PLEKHA5: variants seen among roughly 807,000 people sequenced by gnomAD.
PLEKHA5 encodes pleckstrin homology domain-containing family A member 5.
A neutral mutation model predicts 181.9 loss-of-function variants in PLEKHA5; 55 were observed. The observed-to-expected ratio is 0.30, with a 90% confidence interval of 0.24 to 0.38. PLEKHA5 has a LOEUF of 0.38. Among genes scored for constraint, PLEKHA5 ranks in the 10% least tolerant of loss-of-function variants. The pLI is 1.00. For synonymous variants in PLEKHA5, 535 were observed against 529.4 expected (o/e 1.01, Z -0.15); for missense variants, 1,432 against 1,549.5 (o/e 0.92, Z 1.27).
intron 7 of PLEKHA5, among the ~76,000 whole-genome samples, 186 bp downstream of exon 7, chr12:19,261,207 G>A (rs1319484263): frequency 6.6e-6 from 1 of 152,038 alleles, no homozygotes; most frequent in Non-Finnish European, 1.5e-5. Context: ...AATAAATATG[G>A]TGCTTCAGAC....
intron 3 of PLEKHA5, among the ~76,000 whole-genome samples, chr12:19,140,187 A>C (rs891151711): frequency 6.6e-6 from 1 of 152,234 alleles, no homozygotes; most frequent in African/African-American, 2.4e-5. Context: ...AGAGAATGTC[A>C]AAGTAAACAA....
intron 25 of PLEKHA5, among the ~76,000 whole-genome samples, chr12:19,349,332 T>C (rs1335464450): frequency 6.6e-6 from 1 of 152,122 alleles, no homozygotes; most frequent in East Asian, 1.9e-4. Flanking sequence ...CCTAAGCTGG[T>C]CTTGAACTCT....
At chr12:19,336,174 A>G (rs981599638) in intron 20 of PLEKHA5, among the ~76,000 whole-genome samples, 5 of 152,202 alleles carry the variant, frequency 3.3e-5, no homozygotes, top group African/African-American at 1.2e-4. Context: ...GCTTATTGTA[A>G]GTAAAGTCAT....
Position 19,343,434 on chromosome 12 carries a change from G to A in PLEKHA5, c.2662G>A (p.Gly888Ser), listed in dbSNP as rs1392232421. 6.5e-7 allele frequency: 1 copy of A among 1,548,376 alleles called. No homozygotes were observed. Among genetic ancestry groups the A allele is most frequent in the Non-Finnish European group, 8.9e-7 (1 of 1,120,598 alleles). ...HKQQRGTTEIGMIGSKPFSTV... is the reference protein window; with the variant it reads ...HKQQRGTTEISMIGSKPFSTV... ...GCAGCAAAGAGGTACTACAGAAATA[G>A]GTAAATTAGCTTTGCATTTTATTTT... Residue 888 changes from glycine (G) to serine (S), a missense_variant and splice_region_variant, in exon 22 of 32, where the codon GGT (glycine) becomes AGT (serine). Around this residue, in one of 2 missense-constraint regions of PLEKHA5, gnomAD observed 1,143 missense variants for 1,168.4 expected, o/e 0.98. Transcript: ENST00000429027.
chr12:19,151,004 G>A (rs957701722), intron 3 of PLEKHA5: 2 of 152,234 alleles, frequency 1.3e-5, no homozygotes, highest in Non-Finnish European at 2.9e-5. Flanking sequence ...TATACTGCAA[G>A]GTTGGAGATT....
chr12:19,296,329 CT>C (rs2079790549), intron 15 of PLEKHA5, among the ~76,000 whole-genome samples: 2 of 151,972 alleles, frequency 1.3e-5, no homozygotes, highest in Admixed American at 1.3e-4. Context: ...GGTGGATCAC[CT>C]GAGGTCAGGA....
intron 15 of PLEKHA5, among the ~76,000 whole-genome samples, chr12:19,296,274 C>T (rs1330388987): frequency 1.4e-4 from 21 of 151,562 alleles, no homozygotes; most frequent in Admixed American, 1.3e-3. Flanking sequence ...TGGCCAGGCA[C>T]TGTGGCTCAC....
At chr12:19,136,382 GAAAAT>G (rs1181200300) in intron 3 of PLEKHA5, among the ~76,000 whole-genome samples, 2 of 152,120 alleles carry the variant, frequency 1.3e-5, no homozygotes, top group Non-Finnish European at 2.9e-5. Flanking sequence ...GAAGAATGCT[GAAAAT>G]AAGTGAATTT....
intron 30 of PLEKHA5, 120 bp downstream of exon 30, chr12:19,366,229 A>G (rs2095417814): frequency 1.3e-6 from 1 of 783,524 alleles, no homozygotes; most frequent in South Asian, 1.7e-5. Context: ...AGATGAGTCA[A>G]CGTTTGCCTC....
intron 3 of PLEKHA5, among the ~76,000 whole-genome samples, chr12:19,233,376 A>G (rs968048725): frequency 6.6e-6 from 1 of 152,228 alleles, no homozygotes; most frequent in African/African-American, 2.4e-5. Context: ...TCAGTAGTCA[A>G]CTGATGAAAC....
At chr12:19,281,984 G>C (rs1034474847) in intron 11 of PLEKHA5, among the ~76,000 whole-genome samples, 3 of 151,896 alleles carry the variant, frequency 2.0e-5, no homozygotes, top group African/African-American at 7.3e-5. Context: ...GGGTTTCACT[G>C]TGTTAGCCAG....
At position 19,304,261 on chromosome 12, in the gene PLEKHA5, C is replaced by T. The variant is rs558731984; in HGVS notation, c.2038-10553C>T. ...CTCTACTAAAAACTCAAAAATTAGC[C>T]GGGCGTAGTAGTGGGCACCTGTAAT... On this transcript the variant is annotated intron_variant, in intron 15 of 31. Transcript: ENST00000429027. Among the ~76,000 whole-genome samples the T allele has an allele frequency of 1.5e-4, 23 of 152,150 alleles. No homozygotes were observed. The South Asian group carries it at 3.1e-3, about 21-fold the overall frequency.
At chr12:19,170,203 A>G (rs1201106248) in intron 3 of PLEKHA5, among the ~76,000 whole-genome samples, 27 of 152,338 alleles carry the variant, frequency 1.8e-4, no homozygotes. Flanking sequence ...TCGTTGATAA[A>G]ATCAAAATGT....
intron 25 of PLEKHA5, among the ~76,000 whole-genome samples, chr12:19,351,664 T>C (rs1230549479): frequency 6.6e-6 from 1 of 151,680 alleles, no homozygotes; most frequent in East Asian, 1.9e-4. Flanking sequence ...AGAAAGATAA[T>C]CCAAAAAAGA....
At chr12:19,189,864 T>C (rs1243278179) in intron 3 of PLEKHA5, among the ~76,000 whole-genome samples, 2 of 152,188 alleles carry the variant, frequency 1.3e-5, no homozygotes, top group Non-Finnish European at 2.9e-5. Flanking sequence ...AAAGGGCTCT[T>C]TTGAGAACAG....
At chr12:19,231,600 A>C (rs2060593457) in intron 3 of PLEKHA5, among the ~76,000 whole-genome samples, 1 of 1,198 alleles carries the variant, frequency 8.3e-4, no homozygotes, top group Non-Finnish European at 1.4e-3. Context: ...ATATGTACAC[A>C]TATATATATA....
At chr12:19,289,973 C>A (rs1245697813) in intron 13 of PLEKHA5, among the ~76,000 whole-genome samples, 3 of 151,758 alleles carry the variant, frequency 2.0e-5, no homozygotes, top group Non-Finnish European at 4.4e-5. Context: ...GATGGAGTCT[C>A]GCCGTGTCGC....
intron 8 of PLEKHA5, among the ~76,000 whole-genome samples, chr12:19,267,377 G>T (rs1315425814): frequency 6.6e-6 from 1 of 152,198 alleles, no homozygotes; most frequent in Non-Finnish European, 1.5e-5. Flanking sequence ...ACATGAGCAG[G>T]CCGGGCACAG....
intron 21 of PLEKHA5, among the ~76,000 whole-genome samples, chr12:19,337,656 A>G (rs1482237223): frequency 1.3e-5 from 2 of 152,070 alleles, no homozygotes; most frequent in African/African-American, 4.8e-5. Flanking sequence ...CGTCACGCTT[A>G]TGACCCAATG....
Sources: gnomAD v4.1 joint callset for allele counts (sites outside exome capture counted in the v4.1 genomes callset) on GRCh38, gnomAD v4.1.1 for gene constraint, gnomAD v4.1.1 regional missense constraint, MANE v1.5 for transcripts, NCBI Gene and HGNC (gene_info 2026-07-23, HGNC 2026-07-21) for gene names.